Variants in CHRDL1 observed in about 807,000 individuals in gnomAD.
The protein encoded by CHRDL1 is chordin-like protein 1.
Under a neutral mutation model 40.9 loss-of-function variants are expected in CHRDL1, and 19 were observed. The ratio of observed to expected loss-of-function variants is 0.46; its 90% confidence interval spans 0.32 to 0.68. The LOEUF is 0.68. CHRDL1 is among the 30% of genes least tolerant of loss of function. The pLI, the probability that CHRDL1 is intolerant of heterozygous loss-of-function variation, is 0.03. For missense variants in CHRDL1, 329 were observed against 352.1 expected, an observed-to-expected ratio of 0.93 and a Z score of 0.53; for synonymous variants, 136 against 123.4, an observed-to-expected ratio of 1.10 and a Z score of -0.68.
chrX:110,740,102 C>T (rs1323422689), intron 4 of CHRDL1, among the ~76,000 whole-genome samples: 1 of 112,376 alleles, frequency 8.9e-6, no homozygotes, highest in Non-Finnish European at 1.9e-5. Flanking sequence ...AGTTGTCCCT[C>T]CCCCATGTAT....
rs891337283 is a variant in CHRDL1, at chrX:110,681,546, T to C, written c.1092A>G (p.Arg364=). The C allele has an allele frequency of 2.5e-6, 3 of 1,207,425 alleles. No homozygotes were observed. Among genetic ancestry groups the C allele is most frequent in the Non-Finnish European group, 3.4e-6 (3 of 891,599 alleles). The stretch of plus-strand genomic sequence containing the variant: ...GTCTCTCAGTCTCCAGTGCTATTTT[T>C]CTGGTTGTCTCCCCATCCTCCATGA... ...SVFMEDGETT[R]KIALETERPP... The change falls in exon 10 of 12, where the codon AGA becomes AGG. Residue 364 remains arginine, a synonymous_variant. Transcript: ENST00000372042.
At chrX:110,695,639 T>C (rs2070370809) in intron 7 of CHRDL1, among the ~76,000 whole-genome samples, 1 of 112,088 alleles carries the variant, frequency 8.9e-6, no homozygotes, top group African/African-American at 3.3e-5. Context: ...AAAAGGAAGG[T>C]CTTTATATTC....
chrX:110,767,073 G>C (rs1385525704), intron 2 of CHRDL1, among the ~76,000 whole-genome samples: 1 of 112,081 alleles, frequency 8.9e-6, no homozygotes, highest in Non-Finnish European at 1.9e-5. Context: ...CACATAAACA[G>C]AATTAAAAAC....
At chrX:110,788,428 T>C (rs2090049414) in intron 2 of CHRDL1, among the ~76,000 whole-genome samples, 1 of 111,444 alleles carries the variant, frequency 9.0e-6, no homozygotes, top group Non-Finnish European at 1.9e-5. Flanking sequence ...ATGCCCCAAA[T>C]AGGAGAGCAA....
intron 6 of CHRDL1, among the ~76,000 whole-genome samples, chrX:110,709,761 T>C (rs1028153391): frequency 1.8e-5 from 2 of 111,686 alleles, no homozygotes; most frequent in South Asian, 3.8e-4. Context: ...TCTCAGCACT[T>C]TGGGAGGCTG....
At chrX:110,736,196 A>C (rs922277230) in intron 4 of CHRDL1, among the ~76,000 whole-genome samples, 5 of 112,313 alleles carry the variant, frequency 4.5e-5, no homozygotes, top group South Asian at 7.4e-4. Context: ...AGGAAAAGAC[A>C]AAGTATCATT....
chrX:110,790,251 A>T (rs750193358), intron 2 of CHRDL1, among the ~76,000 whole-genome samples: 3 of 112,138 alleles, frequency 2.7e-5, no homozygotes, highest in Non-Finnish European at 5.6e-5. Flanking sequence ...TCATCATCTG[A>T]CAATAAGCCT....
At chrX:110,700,559 CT>C (rs1209042852) in intron 7 of CHRDL1, 94 bp downstream of exon 7, 189 of 608,181 alleles carry the variant, frequency 3.1e-4, no homozygotes, top group East Asian at 1.9e-3. Flanking sequence ...GAAATCGGGC[CT>C]TTTTTTTGGA....
In CHRDL1 at chrX:110,697,814, C is replaced by CCA. The variant is rs60454872; in HGVS notation, c.609+2838_609+2839dup. On this transcript the variant is annotated intron_variant, in intron 7 of 11. Coordinates refer to ENST00000372042, the MANE Select transcript of CHRDL1 (RefSeq NM_001143981.2). ...CTTCCTCCCCACATACCACACCACT[C>CCA]CACACACACACACACACACACACAC... is the stretch of plus-strand genomic sequence containing the variant. Among the ~76,000 whole-genome samples, 462 of 55,110 alleles carry CCA rather than the reference C, an allele frequency of 8.4e-3. 12 individuals carry two copies. The highest frequency in any genetic ancestry group is 0.055 in the East Asian group (78 of 1,407). 47.9% of individuals were successfully genotyped at this position (55,110 alleles called of 115,157 possible).
chrX:110,747,488 C>T (rs1205504705), intron 4 of CHRDL1, among the ~76,000 whole-genome samples: 1 of 108,663 alleles, frequency 9.2e-6, no homozygotes, highest in Non-Finnish European at 1.9e-5. Context: ...ACAAATATAA[C>T]AGTCCCCCAA....
intron 11 of CHRDL1, among the ~76,000 whole-genome samples, chrX:110,676,887 G>T (rs755903890): frequency 9.0e-6 from 1 of 110,576 alleles, no homozygotes; most frequent in South Asian, 3.9e-4. Context: ...ACTTCTCGAC[G>T]TTGCTTTCTC....
intron 11 of CHRDL1, among the ~76,000 whole-genome samples, 198 bp downstream of exon 11, chrX:110,679,138 C>A (rs1175017866): frequency 8.9e-6 from 1 of 111,775 alleles, no homozygotes; most frequent in Non-Finnish European, 1.9e-5. Context: ...TTGTATTCAC[C>A]ATGTCCAAGC....
chrX:110,687,092 T>C (rs2070041910), intron 9 of CHRDL1, among the ~76,000 whole-genome samples: 1 of 110,576 alleles, frequency 9.0e-6, no homozygotes, highest in East Asian at 2.8e-4. Context: ...TCAGTGCTTC[T>C]CAAGCTGTAA....
intron 4 of CHRDL1, among the ~76,000 whole-genome samples, chrX:110,735,116 G>C (rs2071240596): frequency 9.0e-6 from 1 of 111,113 alleles, no homozygotes; most frequent in Non-Finnish European, 1.9e-5. Context: ...GAGGCATCTG[G>C]ATGAGACAGT....
rs865975855 is a variant in CHRDL1 at position 110,748,813 on chromosome X, G to T, written c.301+10848C>A. On this transcript the variant is annotated intron_variant, in intron 4 of 11. Transcript: ENST00000372042. ...AATTCATAGAGACAGGAAGTAGAAA[G>T]TGAGGAGTTAGTGTTTAATGGGTAT... 4.9e-3 allele frequency among the ~76,000 whole-genome samples: 552 copies of T among 112,636 alleles called. 2 individuals are homozygous for T. The highest frequency in any genetic ancestry group is 7.7e-3 in the Non-Finnish European group (409 of 53,329).
chrX:110,675,012 A>G lies in CHRDL1; in HGVS notation c.*1219T>C, dbSNP rs748319063. ...GACAAGGATAGTAGGAAGGTTTAGG[A>G]TAAAGATCTTCATCAGAATATCCAC... On this transcript the variant is annotated 3_prime_UTR_variant, in exon 12 of 12. Transcript: ENST00000372042. 1 of 112,121 alleles carries G rather than the reference A, an allele frequency of 8.9e-6. No homozygotes were observed. The highest frequency in any genetic ancestry group is 1.9e-5 in the Non-Finnish European group (1 of 53,245). 9.2% of individuals were successfully genotyped at this position (112,121 alleles called of 1,213,427 possible).
At chrX:110,690,329 C>T (rs5943054) in intron 8 of CHRDL1, among the ~76,000 whole-genome samples, 51,050 of 105,546 alleles carry the variant, frequency 0.48, 11,202 homozygotes, top group African/African-American at 0.79. Context: ...ATTACAGGCG[C>T]GAGCCACTGC....
At chrX:110,694,453 A>G (rs762182325) in intron 7 of CHRDL1, 122 bp from the exon 8 acceptor site, 1 of 463,887 alleles carries the variant, frequency 2.2e-6, no homozygotes, top group Non-Finnish European at 3.5e-6. Flanking sequence ...TTTCAGCTGC[A>G]TGCTTACCTA....
At chrX:110,773,935 T>A (rs1310623935) in intron 2 of CHRDL1, among the ~76,000 whole-genome samples, 1 of 110,358 alleles carries the variant, frequency 9.1e-6, no homozygotes, top group Non-Finnish European at 1.9e-5. Flanking sequence ...TCCTTACTGA[T>A]TTTCTGCCTG....
Sources: allele counts gnomAD v4.1 joint callset (sites outside exome capture counted in the v4.1 genomes callset), GRCh38; gene constraint gnomAD v4.1.1; transcripts MANE v1.5; gene names NCBI Gene and HGNC (gene_info 2026-07-23, HGNC 2026-07-21).